Variants in PAMR1 observed in about 807,000 individuals in gnomAD.
PAMR1 encodes inactive serine protease PAMR1.
Under a neutral mutation model 81.8 loss-of-function variants are expected in PAMR1, and 88 were observed. That is an observed-to-expected ratio of 1.08 (90% confidence interval 0.91 to 1.28). PAMR1 has a LOEUF of 1.28. Among genes scored for constraint, PAMR1 ranks in the 50% most tolerant of loss-of-function variants. The pLI is 0.00. For missense variants in PAMR1, 935 were observed against 919.7 expected, an observed-to-expected ratio of 1.02 and a Z score of -0.21; for synonymous variants, 336 against 345.3, an observed-to-expected ratio of 0.97 and a Z score of 0.30.
intron 9 of PAMR1, among the ~76,000 whole-genome samples, chr11:35,435,292 G>A (rs561759590): frequency 3.9e-5 from 6 of 152,100 alleles, no homozygotes; most frequent in Admixed American, 6.5e-5. Flanking sequence ...CCCCTAATCC[G>A]GACACTTTGA....
At chr11:35,517,869 A>G (rs1020060065) in intron 1 of PAMR1, among the ~76,000 whole-genome samples, 1 of 152,242 alleles carries the variant, frequency 6.6e-6, no homozygotes, top group African/African-American at 2.4e-5. Flanking sequence ...TTACTAAATA[A>G]ATACATGAAT....
chr11:35,464,678 G>T (rs113014473), intron 6 of PAMR1, among the ~76,000 whole-genome samples: 2,046 of 152,090 alleles, frequency 0.013, 38 homozygotes, highest in African/African-American at 0.047. Flanking sequence ...TTTGCATACC[G>T]CAGAAAAAAA....
chr11:35,529,109 T>A (rs1215733597), upstream of PAMR1: 2 of 152,214 alleles, frequency 1.3e-5, no homozygotes, highest in Admixed American at 6.5e-5. Flanking sequence ...TATGGTCAAC[T>A]GCATTTTTCA....
Position 35,525,398 on chromosome 11 carries a change from AACAC to A in PAMR1, c.73+111_73+114del. ...CACCCCCCCTCAACCCCTCACCCCA[AACAC>A]ACACAGCCCACCTCCTGAGACTCCC... On this transcript the variant is annotated intron_variant, in intron 1 of 10. Transcript: ENST00000619888. The A allele has an allele frequency of 3.6e-6, 3 of 831,064 alleles. No homozygotes were observed. The Admixed American group carries it at 6.5e-5, about 18-fold the overall frequency. The allele number at this position is 831,064 out of a possible 1,614,324, so 51.5% of individuals were successfully genotyped here.
intron 3 of PAMR1, among the ~76,000 whole-genome samples, chr11:35,480,815 G>A (rs1189963057): frequency 3.3e-5 from 5 of 152,106 alleles, no homozygotes; most frequent in African/African-American, 1.2e-4. Flanking sequence ...TTTAAGCCCT[G>A]CATGCATTAG....
chr11:35,453,092 A>G (rs1007492876), intron 6 of PAMR1, among the ~76,000 whole-genome samples: 1 of 152,240 alleles, frequency 6.6e-6, no homozygotes, highest in African/African-American at 2.4e-5. Context: ...AATGTCCCCA[A>G]GCCTTGCTCT....
At chr11:35,512,294 C>A (rs766749136) in intron 1 of PAMR1, among the ~76,000 whole-genome samples, 1 of 152,122 alleles carries the variant, frequency 6.6e-6, no homozygotes, top group Non-Finnish European at 1.5e-5. Context: ...ATATATGAGC[C>A]CTTGACACAT....
intron 6 of PAMR1, among the ~76,000 whole-genome samples, chr11:35,467,720 T>C (rs944409354): frequency 6.6e-6 from 1 of 152,222 alleles, no homozygotes; most frequent in African/African-American, 2.4e-5. Flanking sequence ...TTCAGTGTTT[T>C]TGAGCTCTGA....
chr11:35,434,504 T>A lies in PAMR1; in HGVS notation c.1626+8A>T. On this transcript the variant is annotated splice_region_variant and intron_variant, in intron 10 of 10. Transcript: ENST00000619888. ...AGCCCCAGCTTCCAAGTGCAAGCCCTCTCTTACCTGTAGGCTCTGGATGGT... is the reference window on the plus strand; with the variant it reads ...AGCCCCAGCTTCCAAGTGCAAGCCCACTCTTACCTGTAGGCTCTGGATGGT... The A allele has an allele frequency of 6.2e-7, 1 of 1,609,560 alleles. No homozygotes were observed. The highest frequency in any genetic ancestry group is 8.5e-7 in the Non-Finnish European group (1 of 1,176,494).
intron 6 of PAMR1, among the ~76,000 whole-genome samples, chr11:35,466,042 A>C (rs1856749190): frequency 6.6e-6 from 1 of 151,864 alleles, no homozygotes; most frequent in South Asian, 2.1e-4. Flanking sequence ...TTTTGGCTTT[A>C]TCTGGTGATG....
chr11:35,490,781 C>A (rs1461123746), intron 3 of PAMR1, among the ~76,000 whole-genome samples: 2 of 152,240 alleles, frequency 1.3e-5, no homozygotes, highest in Non-Finnish European at 2.9e-5. Flanking sequence ...CACATTATCT[C>A]ATTTAATCCT....
intron 5 of PAMR1, 33 bp from the exon 6 acceptor site, chr11:35,468,141 A>G: frequency 2.2e-6 from 3 of 1,352,892 alleles, no homozygotes; most frequent in Non-Finnish European, 2.1e-6. Context: ...CAGTGCCACT[A>G]TACATTGAGT....
chr11:35,525,122 C>G (rs1469414789), intron 1 of PAMR1, among the ~76,000 whole-genome samples: 1 of 152,150 alleles, frequency 6.6e-6, no homozygotes, highest in African/African-American at 2.4e-5. Flanking sequence ...TCTTGCTCAC[C>G]TCTGAGGGAG....
chr11:35,437,833 C>A (rs1422648774), intron 8 of PAMR1, among the ~76,000 whole-genome samples: 1 of 152,186 alleles, frequency 6.6e-6, no homozygotes, highest in Non-Finnish European at 1.5e-5. Flanking sequence ...GAGAGTCCAG[C>A]CCAGGGAAAT....
chr11:35,501,094 A>G (rs1850828429), intron 1 of PAMR1, among the ~76,000 whole-genome samples: 1 of 148,726 alleles, frequency 6.7e-6, no homozygotes, highest in African/African-American at 2.5e-5. Flanking sequence ...AATTAACCTT[A>G]GTTTTCTGTA....
At position 35,503,591 on chromosome 11, in the gene PAMR1, C is replaced by T. The variant is rs541905576; in HGVS notation, c.74-9319G>A. 1.1e-4 allele frequency among the ~76,000 whole-genome samples: 16 copies of T among 152,056 alleles called. No homozygotes were observed. In the South Asian group the frequency reaches 1.7e-3, roughly 16 times the overall value. On this transcript the variant is annotated intron_variant, in intron 1 of 10. Coordinates refer to ENST00000619888, the MANE Select transcript of PAMR1 (RefSeq NM_001001991.3). The stretch of plus-strand genomic sequence containing the variant: ...TTTTCCTTGTATAGCTCTTTCATTG[C>T]TCTGGTTAAATTGACTCCTAGGTAT...
At position 35,439,627 on chromosome 11, in the gene PAMR1, C is replaced by A; in HGVS notation, c.1100G>T (p.Arg367Met). 6.2e-7 allele frequency: 1 copy of A among 1,613,036 alleles called. No homozygotes were observed. The highest frequency in any genetic ancestry group is 8.5e-7 in the Non-Finnish European group (1 of 1,179,002). ...RRVLPMQVQS[R>M]ETPLHQLYSA... The stretch of plus-strand genomic sequence containing the variant: ...CAGAGTGCAGGTGTTTTGACCTCAC[C>A]TTGACTGAACCTGCATCGGAAGAAC... The change falls in exon 8 of 11, where the codon AGG becomes ATG. Residue 367 changes from arginine (R) to methionine (M), a missense_variant and splice_region_variant. Physicochemically the swap from Arg to Met is moderately conservative, Grantham distance 91. Coordinates refer to ENST00000619888, the MANE Select transcript of PAMR1 (RefSeq NM_001001991.3).
chr11:35,512,841 A>T (rs12799337), intron 1 of PAMR1, among the ~76,000 whole-genome samples: 30,084 of 151,976 alleles, frequency 0.2, 3,109 homozygotes, highest in East Asian at 0.28. Context: ...AAATATAAAA[A>T]TTAGTTGGGC....
chr11:35,439,421 C>T (rs563489759), intron 8 of PAMR1, among the ~76,000 whole-genome samples: 17 of 152,236 alleles, frequency 1.1e-4, no homozygotes, highest in Admixed American at 2.0e-4. Context: ...ATTTGTACAT[C>T]TTCCAACAGT....
Sources: allele counts gnomAD v4.1 joint callset (sites outside exome capture counted in the v4.1 genomes callset), GRCh38; gene constraint gnomAD v4.1.1; transcripts MANE v1.5; gene names NCBI Gene and HGNC (gene_info 2026-07-23, HGNC 2026-07-21).